The following COBLL1 variants were observed in gnomAD, a reference collection of about 807,000 sequenced individuals.
COBLL1 encodes cordon-bleu protein-like 1.
A neutral mutation model predicts 94.8 loss-of-function variants in COBLL1; 50 were observed. That is an observed-to-expected ratio of 0.53 (90% CI 0.42 to 0.67). The LOEUF (loss-of-function observed/expected upper bound fraction) is 0.67. Among genes scored for constraint, COBLL1 ranks in the 30% least tolerant of loss-of-function variants. COBLL1 has a pLI of 0.00. For missense variants in COBLL1, 1,362 were observed against 1,348.7 expected, an observed-to-expected ratio of 1.01 and a Z score of -0.15; for synonymous variants, 448 against 473.8, an observed-to-expected ratio of 0.95 and a Z score of 0.71.
intron 2 of COBLL1, among the ~76,000 whole-genome samples, chr2:164,785,908 G>A (rs1009713388): frequency 5.6e-5 from 7 of 125,936 alleles, no homozygotes; most frequent in African/African-American, 1.1e-4. Flanking sequence ...ATCCTCCTCC[G>A]CAACAAAAGG....
chr2:164,737,428 T>C (rs993437055), intron 3 of COBLL1, among the ~76,000 whole-genome samples: 3 of 152,210 alleles, frequency 2.0e-5, no homozygotes, highest in East Asian at 1.9e-4. Context: ...AAAACTCAAA[T>C]AGTACCGATT....
At position 164,722,506 on chromosome 2, in the gene COBLL1, T is replaced by A. The variant is rs374397508; in HGVS notation, c.678A>T (p.Ser226=). 3 of 1,505,138 alleles carry A rather than the reference T, an allele frequency of 2.0e-6. No homozygotes were observed. Among genetic ancestry groups the A allele is most frequent in the Non-Finnish European group, 2.7e-6 (3 of 1,125,746 alleles). 93.2% of individuals were successfully genotyped at this position (1,505,138 alleles called of 1,614,324 possible). ...TCTCCTTCATAATATCTAGGTTTTGTGATATTTGGCAGGACTCTAAAATAG... is the reference window on the plus strand; with the variant it reads ...TCTCCTTCATAATATCTAGGTTTTGAGATATTTGGCAGGACTCTAAAATAG... ...MDVNRESCQI[S]QNLDIMKEKE... is the part of the protein sequence containing the mutation. The change falls in exon 6 of 14, where the codon TCA becomes TCT. Residue 226 remains serine (S), a synonymous_variant. Coordinates refer to ENST00000652658, the MANE Select transcript of COBLL1 (RefSeq NM_001365672.2).
At chr2:164,703,433 A>G (rs1684421696) in intron 9 of COBLL1, among the ~76,000 whole-genome samples, 10 of 152,230 alleles carry the variant, frequency 6.6e-5, no homozygotes, top group Admixed American at 4.6e-4. Flanking sequence ...TATTTCAGTG[A>G]CTTCTAATTT....
intron 13 of COBLL1, among the ~76,000 whole-genome samples, chr2:164,689,358 GA>G (rs2105415440): frequency 6.6e-6 from 1 of 152,174 alleles, no homozygotes; most frequent in South Asian, 2.1e-4. Context: ...CCAACTTTCT[GA>G]TGAACAATCT....
At chr2:164,679,852 G>A (rs985036924), downstream of COBLL1, among the ~76,000 whole-genome samples, 2 of 151,830 alleles carry the variant, frequency 1.3e-5, no homozygotes, top group African/African-American at 4.8e-5. Context: ...GGGTTGATGG[G>A]TGCAGCAAAC....
chr2:164,716,901 T>G (rs1215536825), intron 7 of COBLL1, among the ~76,000 whole-genome samples: 2 of 152,150 alleles, frequency 1.3e-5, no homozygotes, highest in Non-Finnish European at 2.9e-5. Context: ...GTTGACAAAA[T>G]TTTTCCTAAG....
intron 13 of COBLL1, among the ~76,000 whole-genome samples, chr2:164,686,490 A>G (rs966645530): frequency 6.6e-6 from 1 of 152,146 alleles, no homozygotes; most frequent in Non-Finnish European, 1.5e-5. Context: ...CCCCCTATTT[A>G]TTCAAAACAA....
chr2:164,725,134 A>ATATATATATATATATATAT (rs1558956185), intron 5 of COBLL1: 47 of 55,346 alleles, frequency 8.5e-4, no homozygotes, highest in African/African-American at 3.3e-3. Flanking sequence ...ATATATATAT[A>ATATATATATATATATATAT]AAATGAAAGC....
intron 2 of COBLL1, among the ~76,000 whole-genome samples, chr2:164,815,129 G>C (rs1003927962): frequency 6.6e-6 from 1 of 150,974 alleles, no homozygotes; most frequent in African/African-American, 2.4e-5. Flanking sequence ...GCCAGACACA[G>C]GGGCTCATGC....
chr2:164,811,315 G>A (rs557417202), intron 2 of COBLL1, among the ~76,000 whole-genome samples: 1 of 151,946 alleles, frequency 6.6e-6, no homozygotes, highest in South Asian at 2.1e-4. Context: ...AATTGTGATA[G>A]TGCCATTATA....
At chr2:164,779,595 T>C in intron 2 of COBLL1, 1 of 462,176 alleles carries the variant, frequency 2.2e-6, no homozygotes, top group Non-Finnish European at 4.5e-6. Context: ...ACACAGAGCC[T>C]ATTTCCACAG....
chr2:164,763,982 G>A (rs559820617), intron 2 of COBLL1, among the ~76,000 whole-genome samples: 7 of 152,248 alleles, frequency 4.6e-5, no homozygotes, highest in Admixed American at 1.3e-4. Context: ...CTGCAGCCAC[G>A]ACCTATTGGC....
chr2:164,794,681 C>G (rs1683350944), intron 2 of COBLL1, among the ~76,000 whole-genome samples: 1 of 152,120 alleles, frequency 6.6e-6, no homozygotes, highest in Admixed American at 6.6e-5. Context: ...AGAGAAAGAA[C>G]AAGACTTACT....
intron 2 of COBLL1, among the ~76,000 whole-genome samples, chr2:164,814,943 CTCTT>C (rs1229906729): frequency 6.6e-6 from 1 of 152,164 alleles, no homozygotes; most frequent in Non-Finnish European, 1.5e-5. Context: ...GCATTTTAGT[CTCTT>C]TCTCTTATCC....
intron 2 of COBLL1, among the ~76,000 whole-genome samples, chr2:164,801,141 T>G (rs76335345): frequency 6.6e-6 from 1 of 151,718 alleles, no homozygotes; most frequent in African/African-American, 2.4e-5. Flanking sequence ...CTCCAAAAAA[T>G]TAAAAAGCTT....
At chr2:164,704,131 T>C (rs1187844703) in intron 9 of COBLL1, among the ~76,000 whole-genome samples, 1 of 152,140 alleles carries the variant, frequency 6.6e-6, no homozygotes, top group African/African-American at 2.4e-5. Context: ...AATTACGGTG[T>C]GTCATTACAC....
At chr2:164,821,664 G>A (rs745984472) in intron 2 of COBLL1, among the ~76,000 whole-genome samples, 4 of 152,140 alleles carry the variant, frequency 2.6e-5, no homozygotes, top group African/African-American at 9.7e-5. Flanking sequence ...AACATATTTG[G>A]CTAGTTGGTT....
intron 2 of COBLL1, among the ~76,000 whole-genome samples, chr2:164,761,686 G>T (rs1388949596): frequency 1.3e-5 from 2 of 151,996 alleles, no homozygotes; most frequent in East Asian, 1.9e-4. Flanking sequence ...AATAAGCATC[G>T]AGGCACTTGA....
chr2:164,841,899 G>A (rs1323276854), upstream of COBLL1: 22 of 1,339,182 alleles, frequency 1.6e-5, no homozygotes, highest in East Asian at 5.1e-4. This position sits in a 1 kb window ranked among gnomAD's most constrained non-coding sequence, Gnocchi z 5.5. Flanking sequence ...TCCCGCGGGC[G>A]GGGTGCGGGC....
Sources: allele counts gnomAD v4.1 joint callset (sites outside exome capture counted in the v4.1 genomes callset), GRCh38; gene constraint gnomAD v4.1.1; non-coding constraint Gnocchi (gnomAD v3.1); transcripts MANE v1.5; gene names NCBI Gene and HGNC (gene_info 2026-07-23, HGNC 2026-07-21).